Variants in EBF1 observed in about 807,000 individuals in gnomAD.
EBF1 encodes transcription factor COE1.
Under a neutral mutation model 68.4 loss-of-function variants are expected in EBF1, and 10 were observed. The observed-to-expected ratio is 0.15, with a 90% CI of 0.09 to 0.25. The LOEUF is 0.25. EBF1 is among the 10% of genes least tolerant of loss of function. EBF1 has a pLI of 1.00. For missense variants in EBF1, 509 were observed against 794.4 expected (o/e 0.64, Z 4.32); for synonymous variants, 298 against 299.8 (o/e 0.99, Z 0.06).
At chr5:158,788,639 C>T (rs1581894034) in intron 9 of EBF1, among the ~76,000 whole-genome samples, 1 of 152,142 alleles carries the variant, frequency 6.6e-6, no homozygotes, top group Non-Finnish European at 1.5e-5. Context: ...GAAAGGAATA[C>T]AGCACTATCT....
intron 6 of EBF1, among the ~76,000 whole-genome samples, chr5:158,853,614 AAGG>A (rs1793404699): frequency 6.6e-6 from 1 of 152,156 alleles, no homozygotes; most frequent in African/African-American, 2.4e-5. Flanking sequence ...CAAGAAAGAT[AAGG>A]AGAAGTGGAG....
intron 6 of EBF1, among the ~76,000 whole-genome samples, chr5:159,008,100 C>T (rs1391317061): frequency 6.6e-6 from 1 of 152,152 alleles, no homozygotes; most frequent in African/African-American, 2.4e-5. Flanking sequence ...GTCTGAACAA[C>T]TCATCATGGT....
intron 6 of EBF1, among the ~76,000 whole-genome samples, chr5:158,965,837 T>C (rs374323237): frequency 6.6e-6 from 1 of 152,202 alleles, no homozygotes; most frequent in Non-Finnish European, 1.5e-5. Context: ...TTTAAGAAGA[T>C]CCATGTTCCA....
At chr5:158,816,830 A>G (rs931551171) in intron 8 of EBF1, among the ~76,000 whole-genome samples, 2 of 152,186 alleles carry the variant, frequency 1.3e-5, no homozygotes, top group African/African-American at 4.8e-5. Flanking sequence ...AAAATGTTTG[A>G]CTTTCTATGA....
intron 4 of EBF1, among the ~76,000 whole-genome samples, chr5:159,086,424 T>C (rs2127986780): frequency 6.6e-6 from 1 of 152,238 alleles, no homozygotes; most frequent in Admixed American, 6.5e-5. Context: ...CAAAAGAAAA[T>C]CCAATGCTGC....
chr5:159,032,483 A>G (rs1192032570), intron 6 of EBF1, among the ~76,000 whole-genome samples: 2 of 152,202 alleles, frequency 1.3e-5, no homozygotes, highest in African/African-American at 4.8e-5. Flanking sequence ...TCCTTGGACT[A>G]TTACATAAAG....
intron 6 of EBF1, among the ~76,000 whole-genome samples, chr5:159,050,871 A>G (rs1006549019): frequency 1.2e-4 from 18 of 152,212 alleles, no homozygotes; most frequent in African/African-American, 4.3e-4. Flanking sequence ...TCTGGCAAAA[A>G]GAAAACCTCA....
chr5:158,734,263 T>G (rs762204278), intron 10 of EBF1, among the ~76,000 whole-genome samples: 4 of 152,180 alleles, frequency 2.6e-5, no homozygotes, highest in African/African-American at 4.8e-5. Context: ...TTTTCCACAA[T>G]GAACATATAT....
intron 6 of EBF1, among the ~76,000 whole-genome samples, chr5:158,923,889 G>T (rs1481280663): frequency 1.3e-5 from 2 of 152,072 alleles, no homozygotes; most frequent in African/African-American, 4.8e-5. Context: ...GCCAAACCTG[G>T]GCATTGTTTA....
chr5:159,064,570 A>G (rs979848034), intron 6 of EBF1, among the ~76,000 whole-genome samples: 5 of 152,194 alleles, frequency 3.3e-5, no homozygotes, highest in African/African-American at 7.2e-5. Context: ...GTAAGCTACT[A>G]TTAAACTCAC....
At chr5:158,991,541 C>G (rs150103879) in intron 6 of EBF1, among the ~76,000 whole-genome samples, 7 of 152,296 alleles carry the variant, frequency 4.6e-5, no homozygotes, top group Middle Eastern at 3.4e-3. Context: ...GAAGCGCGCA[C>G]ACACAATTGT....
At chr5:158,857,511 C>T (rs1582628560) in intron 6 of EBF1, among the ~76,000 whole-genome samples, 2 of 152,046 alleles carry the variant, frequency 1.3e-5, no homozygotes, top group South Asian at 4.2e-4. Context: ...CTTTTTGGTG[C>T]TGTTAATCAT....
At chr5:158,770,187 G>A (rs1405817996) in intron 10 of EBF1, among the ~76,000 whole-genome samples, 12 of 152,110 alleles carry the variant, frequency 7.9e-5, no homozygotes, top group South Asian at 2.1e-4. Flanking sequence ...AGTTGAGGGA[G>A]ACAAAAATCT....
chr5:158,803,810 C>T (rs1781065966), intron 8 of EBF1, among the ~76,000 whole-genome samples: 1 of 151,392 alleles, frequency 6.6e-6, no homozygotes, highest in Admixed American at 6.6e-5. Flanking sequence ...TTGCATTATG[C>T]AGTTAAGCAT....
intron 9 of EBF1, among the ~76,000 whole-genome samples, chr5:158,795,566 G>A (rs1372565670): frequency 2.6e-5 from 4 of 152,222 alleles, no homozygotes; most frequent in Non-Finnish European, 5.9e-5. Flanking sequence ...TGAAGTGAAA[G>A]AGAGAGTGCT....
chr5:158,998,390 A>G (rs1207352811), intron 6 of EBF1, among the ~76,000 whole-genome samples: 1 of 152,118 alleles, frequency 6.6e-6, no homozygotes, highest in African/African-American at 2.4e-5. Flanking sequence ...CCTTTACGAC[A>G]CTAACTACCT....
intron 6 of EBF1, among the ~76,000 whole-genome samples, chr5:159,025,832 G>A (rs186269828): frequency 6.6e-6 from 1 of 152,242 alleles, no homozygotes. Flanking sequence ...CTCTGAATAG[G>A]AGGAATAAGT....
intron 6 of EBF1, among the ~76,000 whole-genome samples, chr5:158,977,758 C>T (rs897133497): frequency 1.7e-4 from 26 of 152,164 alleles, no homozygotes; most frequent in African/African-American, 5.1e-4. Context: ...AATGCCATGG[C>T]GCTGACCTCC....
intron 6 of EBF1, among the ~76,000 whole-genome samples, chr5:158,972,169 A>G (rs947190652): frequency 2.0e-5 from 3 of 151,998 alleles, no homozygotes; most frequent in Admixed American, 6.6e-5. Flanking sequence ...CTGACAGGCC[A>G]TTGTCTTTCC....
Sources: allele counts gnomAD v4.1 joint callset (sites outside exome capture counted in the v4.1 genomes callset), GRCh38; gene constraint gnomAD v4.1.1; transcripts MANE v1.5; gene names NCBI Gene and HGNC (gene_info 2026-07-23, HGNC 2026-07-21).